Variants in FBXL16 observed in about 807,000 individuals in gnomAD.
The protein encoded by FBXL16 is F-box/LRR-repeat protein 16.
A neutral mutation model predicts 36.7 loss-of-function variants in FBXL16; 7 were observed. The observed-to-expected ratio is 0.19, with a 90% CI of 0.11 to 0.36. FBXL16 has a LOEUF of 0.36. Ranked by LOEUF, FBXL16 falls within the 10% of genes least tolerant of loss-of-function variation. FBXL16 has a pLI of 1.00. For missense variants in FBXL16, 463 were observed against 659.4 expected, an observed-to-expected ratio of 0.70 and a Z score of 3.26; for synonymous variants, 355 against 308.7, an observed-to-expected ratio of 1.15 and a Z score of -1.57.
intron 5 of FBXL16, 34 bp from the exon 6 acceptor site, chr16:694,457 C>G (rs1446798966): frequency 6.6e-7 from 1 of 1,511,544 alleles, no homozygotes; most frequent in Non-Finnish European, 8.8e-7. Flanking sequence ...TCAGTGCGCG[C>G]GGCCCAGGGC....
Position 697,318 on chromosome 16 carries a change from G to C in FBXL16, c.88C>G (p.Leu30Val). The change falls in exon 2 of 6, where the codon CTG (leucine) becomes GTG (valine). Residue 30 changes from leucine (L) to valine (V), a missense_variant. Leu to Val is a conservative substitution (Grantham distance 32). Around this residue, in one of 3 missense-constraint regions of FBXL16, gnomAD observed 263 missense variants for 341.1 expected, o/e 0.77. Transcript: ENST00000397621. The surrounding 1 kb of genome is among the most constrained non-coding windows in gnomAD (Gnocchi z 4.6). The part of the protein sequence containing the change: ...LVKLPGQPNG[L>V]GAASITKGTP... ...CCCTTGGTGATGCTGGCCGCACCCAGGCCGTTGGGCTGGCCCGGCAGCTTC... is the reference window on the plus strand; with the variant it reads ...CCCTTGGTGATGCTGGCCGCACCCACGCCGTTGGGCTGGCCCGGCAGCTTC... 6.5e-7 allele frequency: 1 copy of C among 1,535,196 alleles called. No individual in the cohort carries two copies. Among genetic ancestry groups the C allele is most frequent in the Non-Finnish European group, 8.7e-7 (1 of 1,146,542 alleles).
chr16:697,348 G>A lies in FBXL16; in HGVS notation c.58C>T (p.Leu20=). The stretch of plus-strand genomic sequence containing the variant: ...TTGGGCTGGCCCGGCAGCTTCACCA[G>A]ACCGTTTCGAGGCAAGCATGGAGGC... ...PKPPCLPRNG[L]VKLPGQPNGL... is the part of the protein sequence containing the mutation. The change falls in exon 2 of 6, where the codon CTG becomes TTG. Residue 20 remains leucine, a synonymous_variant. Coordinates refer to ENST00000397621, the MANE Select transcript of FBXL16 (RefSeq NM_153350.4). This position sits in a 1 kb window ranked among gnomAD's most constrained non-coding sequence, Gnocchi z 4.6. 1 of 1,536,536 alleles carries A rather than the reference G, an allele frequency of 6.5e-7. No individual in the cohort carries two copies. Among genetic ancestry groups the A allele is most frequent in the Non-Finnish European group, 8.7e-7 (1 of 1,147,304 alleles).
intron 3 of FBXL16, 76 bp from the exon 4 acceptor site, chr16:695,152 C>G: frequency 6.8e-7 from 1 of 1,464,318 alleles, no homozygotes. Flanking sequence ...TGGGAGTGCC[C>G]CTGGCGTGAA....
intron 3 of FBXL16, 52 bp downstream of exon 3, chr16:695,363 C>G (rs2040003172): frequency 1.6e-6 from 2 of 1,236,944 alleles, no homozygotes; most frequent in East Asian, 4.0e-5. Context: ...CGCCCCGCCC[C>G]GTGCAGCCCC....
In FBXL16 at chr16:695,397, CGGCCCGGGGG is replaced by C. The variant is rs1233836803; in HGVS notation, c.1142+8_1142+17del. On this transcript the variant is annotated splice_region_variant and intron_variant, in intron 3 of 5. Transcript: ENST00000397621. ...CCGCCCGGCCCAGCCCCGCCCGGCG[CGGCCCGGGGG>C]CGCGCACCTGTCGAGCACGAGCTCC... The C allele has an allele frequency of 2.0e-6, 3 of 1,508,892 alleles. No homozygotes were observed. Among genetic ancestry groups the C allele is most frequent in the Non-Finnish European group, 2.7e-6 (3 of 1,132,028 alleles). The allele number at this position is 1,508,892 out of a possible 1,614,324, so 93.5% of individuals were successfully genotyped here. A position where few individuals can be genotyped will look rare whatever the true frequency, so the allele number is the denominator to read the frequency against.
chr16:695,167 T>C, intron 3 of FBXL16, 91 bp from the exon 4 acceptor site: 1 of 1,368,830 alleles, frequency 7.3e-7, no homozygotes, highest in Non-Finnish European at 1.0e-6. Context: ...CGTGAATCCC[T>C]TCCTGCCCCA....
At chr16:695,158 G>T in intron 3 of FBXL16, 82 bp from the exon 4 acceptor site, 5 of 1,422,860 alleles carry the variant, frequency 3.5e-6, no homozygotes, top group Non-Finnish European at 4.8e-6. Flanking sequence ...TGCCCCTGGC[G>T]TGAATCCCTT....
In FBXL16 at chr16:697,472, CG is replaced by C. The variant is rs1209737236; in HGVS notation, c.-14-54del. ...GAGTCTGTTGCTGAGTCTGGAAGGC[CG>C]GGGTTGGGGGCGGGTGCAGTGGGGC... On this transcript the variant is annotated intron_variant, in intron 1 of 5. Coordinates refer to ENST00000397621, the MANE Select transcript of FBXL16 (RefSeq NM_153350.4). The surrounding 1 kb of genome is among the most constrained non-coding windows in gnomAD (Gnocchi z 4.6). 4 of 1,466,600 alleles carry C rather than the reference CG, an allele frequency of 2.7e-6. No homozygotes were observed. The highest frequency in any genetic ancestry group is 4.5e-5 in the Admixed American group (2 of 44,812). 90.8% of individuals were successfully genotyped at this position (1,466,600 alleles called of 1,614,324 possible).
Position 695,515 on chromosome 16 carries a change from G to C in FBXL16, c.1042C>G (p.Leu348Val). 1 of 1,596,968 alleles carries C rather than the reference G, an allele frequency of 6.3e-7. No homozygotes were observed. The highest frequency in any genetic ancestry group is 8.5e-7 in the Non-Finnish European group (1 of 1,177,472). The change falls in exon 3 of 6, where the codon CTG becomes GTG. Residue 348 changes from leucine to valine, a missense_variant. Physicochemically the swap from Leu to Val is conservative, Grantham distance 32. Around this residue, in one of 3 missense-constraint regions of FBXL16, gnomAD observed 134 missense variants for 172.0 expected, o/e 0.78. Transcript: ENST00000397621. The stretch of plus-strand genomic sequence containing the variant: ...CACCACGAGAGGTCAAGGCTGCGCA[G>C]CTTGCGCAGGTTCTCGGCCACGAGC... The part of the protein sequence containing the change: ...VELVAENLRK[L>V]RSLDLSWCPR...
rs1472223640 is a variant in FBXL16, at chr16:694,235, G to T, written c.*40C>A. On this transcript the variant is annotated 3_prime_UTR_variant, in exon 6 of 6. Transcript: ENST00000397621. ...GGCGGCGCCCCGCGCCCCCGCCCAG[G>T]TCATGGCCGGGTTCCCGCGACCGGG... The T allele has an allele frequency of 2.3e-6, 3 of 1,293,328 alleles. No homozygotes were observed. Among genetic ancestry groups the T allele is most frequent in the Non-Finnish European group, 3.0e-6 (3 of 1,015,852 alleles). 80.1% of individuals were successfully genotyped at this position (1,293,328 alleles called of 1,614,324 possible).
intron 1 of FBXL16, among the ~76,000 whole-genome samples, chr16:702,616 G>A (rs896056704): frequency 6.6e-6 from 1 of 152,362 alleles, no homozygotes; most frequent in Admixed American, 6.5e-5. Flanking sequence ...GCTGATGGAG[G>A]ATTGGTCAAA....
chr16:694,327 T>C lies in FBXL16; in HGVS notation c.1388A>G (p.Glu463Gly). ...GTGCTGCGAGAAATACTTGAAGAGC[T>C]CGGGGGTGGCCCCGGGGCAGTTGGT... is the stretch of plus-strand genomic sequence containing the variant. ...ELTNCPGATP[E>G]LFKYFSQHLP... Residue 463 changes from glutamate to glycine, a missense_variant, in exon 6 of 6, where the codon GAG (glutamate) becomes GGG (glycine). Glu to Gly is a moderately conservative substitution (Grantham distance 98, BLOSUM62 -2). Transcript: ENST00000397621. 6.6e-7 allele frequency: 1 copy of C among 1,508,820 alleles called. No individual in the cohort carries two copies. The highest frequency in any genetic ancestry group is 1.3e-5 in the South Asian group (1 of 78,004). The allele number at this position is 1,508,820 out of a possible 1,614,324, so 93.5% of individuals were successfully genotyped here.
chr16:702,877 C>T (rs1331936123), intron 1 of FBXL16, among the ~76,000 whole-genome samples: 1 of 152,190 alleles, frequency 6.6e-6, no homozygotes, highest in Non-Finnish European at 1.5e-5. Context: ...AAGTGGCTGC[C>T]CGTCCTCCAC....
rs2039979479 is a variant in FBXL16 at position 692,638 on chromosome 16, T to C, written c.*1637A>G. 1 of 152,516 alleles carries C rather than the reference T, an allele frequency of 6.6e-6. No individual in the cohort carries two copies. The highest frequency in any genetic ancestry group is 2.4e-5 in the African/African-American group (1 of 41,430). The allele number at this position is 152,516 out of a possible 1,614,324, so 9.4% of individuals were successfully genotyped here. On this transcript the variant is annotated 3_prime_UTR_variant, in exon 6 of 6. Coordinates refer to ENST00000397621, the MANE Select transcript of FBXL16 (RefSeq NM_153350.4). ...GTCGTTATGTACAATAAGAAAATGA[T>C]TTTAGGGGTTGGTTGGTTTTGTTTT... is the stretch of plus-strand genomic sequence containing the variant.
rs762404968 is a variant in FBXL16, at chr16:695,935, C to A, written c.634-12G>T. On this transcript the variant is annotated splice_polypyrimidine_tract_variant and intron_variant, in intron 2 of 5. Coordinates refer to ENST00000397621, the MANE Select transcript of FBXL16 (RefSeq NM_153350.4). The stretch of plus-strand genomic sequence containing the variant: ...TGTTCAAGCATAACCTGCAGGCGGG[C>A]GGGCGCCGGGTCAGGATTGCAGGAG... 5 of 1,564,288 alleles carry A rather than the reference C, an allele frequency of 3.2e-6. No homozygotes were observed. Among genetic ancestry groups the A allele is most frequent in the South Asian group, 1.2e-5 (1 of 85,644 alleles).
chr16:699,202 T>A (rs181447821), intron 1 of FBXL16, among the ~76,000 whole-genome samples: 1 of 152,330 alleles, frequency 6.6e-6, no homozygotes, highest in Admixed American at 6.5e-5. Flanking sequence ...CAGAGCTGGC[T>A]GAGGAAGGCC....
chr16:704,276 G>A (rs1402599574), intron 1 of FBXL16, among the ~76,000 whole-genome samples: 1 of 152,232 alleles, frequency 6.6e-6, no homozygotes, highest in African/African-American at 2.4e-5. Flanking sequence ...ATCAGTGGGA[G>A]GTAGGACTCG....
Position 697,129 on chromosome 16 carries a change from G to C in FBXL16, c.277C>G (p.Pro93Ala). The C allele has an allele frequency of 6.2e-7, 1 of 1,604,210 alleles. No homozygotes were observed. The highest frequency in any genetic ancestry group is 1.3e-5 in the African/African-American group (1 of 74,822). The change falls in exon 2 of 6, where the codon CCG becomes GCG. Residue 93 changes from proline (P) to alanine (A), a missense_variant. Transcript: ENST00000397621. The surrounding 1 kb of genome is among the most constrained non-coding windows in gnomAD (Gnocchi z 4.6). The part of the protein sequence containing the change: ...ALAPGHPAER[P>A]PLATDEKILN... ...ATCTTCTCGTCCGTGGCCAGCGGCG[G>C]CCGCTCCGCTGGGTGCCCAGGTGCC...
chr16:697,080 A>C lies in FBXL16; in HGVS notation c.326T>G (p.Phe109Cys). The change falls in exon 2 of 6, where the codon TTC becomes TGC. Residue 109 changes from phenylalanine (F) to cysteine (C), a missense_variant. This residue lies in a region of FBXL16 where 263 missense variants were observed against 341.1 expected (regional missense o/e 0.77). Coordinates refer to ENST00000397621, the MANE Select transcript of FBXL16 (RefSeq NM_153350.4). The surrounding 1 kb of genome is among the most constrained non-coding windows in gnomAD (Gnocchi z 4.6). ...EKILNGLFWY[F>C]SACEKCVLAQ... ...CAGCACACACTTCTCGCAGGCCGAG[A>C]AATACCAGAAGAGCCCATTGAGGAT... The C allele has an allele frequency of 6.2e-7, 1 of 1,606,742 alleles. No individual in the cohort carries two copies. Among genetic ancestry groups the C allele is most frequent in the Non-Finnish European group, 8.5e-7 (1 of 1,176,748 alleles).
Sources: allele counts gnomAD v4.1 joint callset (sites outside exome capture counted in the v4.1 genomes callset), GRCh38; gene constraint gnomAD v4.1.1; regional missense constraint gnomAD v4.1.1; non-coding constraint Gnocchi (gnomAD v3.1); transcripts MANE v1.5; gene names NCBI Gene and HGNC (gene_info 2026-07-23, HGNC 2026-07-21).